The following OSBP2 variants were observed in gnomAD, a reference collection of about 807,000 sequenced individuals.
The protein encoded by OSBP2 is oxysterol-binding protein 2.
In OSBP2, 66 loss-of-function variants were observed where a neutral mutation model predicts 96.0. The observed-to-expected ratio is 0.69, with a 90% CI of 0.56 to 0.84. The LOEUF is 0.84. OSBP2 is among the 40% of genes least tolerant of loss of function. The pLI, the probability that OSBP2 is intolerant of heterozygous loss-of-function variation, is 0.00. For synonymous variants in OSBP2, 525 were observed against 520.9 expected (o/e 1.01, Z -0.11); for missense variants, 1,038 against 1,222.7 (o/e 0.85, Z 2.25).
At position 30,889,244 on chromosome 22, in the gene OSBP2, G is replaced by A. The variant is rs2039888444; in HGVS notation, c.1476+10G>A. The A allele has an allele frequency of 1.9e-6, 3 of 1,612,396 alleles. No individual in the cohort carries two copies. Among genetic ancestry groups the A allele is most frequent in the South Asian group, 1.1e-5 (1 of 90,968 alleles). On this transcript the variant is annotated intron_variant, in intron 6 of 13. Transcript: ENST00000332585. The stretch of plus-strand genomic sequence containing the variant: ...GAGCTCAGCAGACAATGTAAGTGAG[G>A]GGGAGCACTGTAAGGGCCAGAAGGC...
intron 12 of OSBP2, among the ~76,000 whole-genome samples, chr22:30,903,176 C>G (rs1299347554): frequency 6.6e-6 from 1 of 152,104 alleles, no homozygotes; most frequent in Non-Finnish European, 1.5e-5. Flanking sequence ...GACATTGGCC[C>G]GACTCCAGGT....
chr22:30,772,648 C>T (rs940578600), intron 2 of OSBP2, among the ~76,000 whole-genome samples: 1 of 152,224 alleles, frequency 6.6e-6, no homozygotes, highest in Non-Finnish European at 1.5e-5. Flanking sequence ...TTTGAGGACA[C>T]TCTGAGGTCT....
At position 30,889,769 on chromosome 22, in the gene OSBP2, T is replaced by A. The variant is rs139719516; in HGVS notation, c.1623+133T>A. On this transcript the variant is annotated intron_variant, in intron 7 of 13. Transcript: ENST00000332585. ...TTTTCTTAACGGCACCTGAGGAGCATGTAACTAATTATCTAATCGTGCACA... is the reference window on the plus strand; with the variant it reads ...TTTTCTTAACGGCACCTGAGGAGCAAGTAACTAATTATCTAATCGTGCACA... 4.7e-3 allele frequency: 3,654 copies of A among 780,150 alleles called. 18 individuals are homozygous for A. Among genetic ancestry groups the A allele is most frequent in the Non-Finnish European group, 6.9e-3 (3,263 of 470,540 alleles). The allele number at this position is 780,150 out of a possible 1,614,324, so 48.3% of individuals were successfully genotyped here. A position where few individuals can be genotyped will look rare whatever the true frequency, so the allele number is the denominator to read the frequency against.
chr22:30,830,023 G>A (rs545363094), intron 2 of OSBP2, among the ~76,000 whole-genome samples: 5 of 152,278 alleles, frequency 3.3e-5, no homozygotes, highest in Admixed American at 3.3e-4. Context: ...ATGGGGTTGA[G>A]CTGGAGCTGG....
rs1040206126 is a variant in OSBP2 at position 30,881,476 on chromosome 22, G to A, written c.1108-5950G>A. Among the ~76,000 whole-genome samples the A allele has an allele frequency of 1.3e-5, 2 of 152,134 alleles. No homozygotes were observed. Among genetic ancestry groups the A allele is most frequent in the African/African-American group, 2.4e-5 (1 of 41,424 alleles). ...CGGGTAGGGGGCTTCAGGTCAGCCC[G>A]TCTCTCCTCCTGCTCACAGCTGAGC... On this transcript the variant is annotated intron_variant, in intron 3 of 13. Coordinates refer to ENST00000332585, the MANE Select transcript of OSBP2 (RefSeq NM_030758.4). This position sits in a 1 kb window ranked among gnomAD's most constrained non-coding sequence, Gnocchi z 4.5.
At chr22:30,794,696 C>CT (rs2090731212) in intron 2 of OSBP2, among the ~76,000 whole-genome samples, 1 of 150,918 alleles carries the variant, frequency 6.6e-6, no homozygotes, top group Non-Finnish European at 1.5e-5. Flanking sequence ...TTCCAGGAGG[C>CT]TGAGGTGGAA....
At chr22:30,853,950 G>A (rs542668289) in intron 2 of OSBP2, among the ~76,000 whole-genome samples, 27 of 152,016 alleles carry the variant, frequency 1.8e-4, no homozygotes, top group South Asian at 1.2e-3. Context: ...TAGTAGAGAC[G>A]GGGTTTCACC....
chr22:30,888,115 G>T (rs2039857126), intron 4 of OSBP2, 108 bp from the exon 5 acceptor site: 7 of 743,950 alleles, frequency 9.4e-6, no homozygotes, highest in Non-Finnish European at 1.7e-5. Flanking sequence ...TGAAGCAGGA[G>T]GGGAGTGAGG....
chr22:30,821,232 G>A (rs1006036485), intron 2 of OSBP2, among the ~76,000 whole-genome samples: 1 of 152,188 alleles, frequency 6.6e-6, no homozygotes, highest in Admixed American at 6.5e-5. Context: ...CTCTGAGTGG[G>A]AGAGTGTCAG....
chr22:30,699,612 G>A (rs1315042003), intron 1 of OSBP2, among the ~76,000 whole-genome samples: 1 of 152,102 alleles, frequency 6.6e-6, no homozygotes. Flanking sequence ...AACTGTGATC[G>A]CTCATTGTAG....
intron 3 of OSBP2, among the ~76,000 whole-genome samples, chr22:30,874,725 G>A (rs934895961): frequency 1.3e-5 from 2 of 152,230 alleles, no homozygotes; most frequent in African/African-American, 4.8e-5. Context: ...GAACAGCAAC[G>A]CTGTGTTTCA....
chr22:30,809,359 A>T (rs2090975996), intron 2 of OSBP2, among the ~76,000 whole-genome samples: 1 of 152,164 alleles, frequency 6.6e-6, no homozygotes, highest in Non-Finnish European at 1.5e-5. Context: ...CGAGAAATCG[A>T]GAAGTGTATG....
chr22:30,747,612 C>T (rs1459588334), intron 2 of OSBP2, among the ~76,000 whole-genome samples: 1 of 152,220 alleles, frequency 6.6e-6, no homozygotes, highest in Non-Finnish European at 1.5e-5. Context: ...CTCTTCCTCA[C>T]ATTGGCGGTG....
At chr22:30,813,754 T>C (rs558045947) in intron 2 of OSBP2, among the ~76,000 whole-genome samples, 1 of 151,942 alleles carries the variant, frequency 6.6e-6, no homozygotes, top group Non-Finnish European at 1.5e-5. Flanking sequence ...GGCAGTGGTG[T>C]GGGGACAGCT....
At chr22:30,744,028 G>A (rs979883499) in intron 2 of OSBP2, among the ~76,000 whole-genome samples, 3 of 152,212 alleles carry the variant, frequency 2.0e-5, no homozygotes, top group African/African-American at 7.2e-5. Flanking sequence ...AGAGACAAAT[G>A]TCCAGGTAAC....
intron 3 of OSBP2, among the ~76,000 whole-genome samples, chr22:30,875,805 A>G (rs758081070): frequency 2.0e-5 from 3 of 152,218 alleles, no homozygotes; most frequent in Middle Eastern, 3.2e-3. Flanking sequence ...TCACACAGCT[A>G]GGAAAGCCCT....
At chr22:30,799,026 AAAAG>A (rs1267459376) in intron 2 of OSBP2, among the ~76,000 whole-genome samples, 5 of 151,876 alleles carry the variant, frequency 3.3e-5, no homozygotes, top group African/African-American at 1.2e-4. Context: ...AAAAAAAAAA[AAAAG>A]AAATTATTTG....
intron 2 of OSBP2, among the ~76,000 whole-genome samples, chr22:30,834,188 T>C (rs1028075226): frequency 9.2e-5 from 14 of 152,292 alleles, no homozygotes; most frequent in African/African-American, 3.4e-4. Context: ...TTTATTCATT[T>C]TTACTGCCAT....
In OSBP2 at chr22:30,898,862, T is replaced by TTAATAA. The variant is rs35162134; in HGVS notation, c.2375+4883_2375+4888dup. Among the ~76,000 whole-genome samples, 36 of 146,604 alleles carry TTAATAA rather than the reference T, an allele frequency of 2.5e-4. No homozygotes were observed. In the South Asian group the frequency reaches 2.8e-3, roughly 11 times the overall value. ...AATATGGCAAGATATCATCTTTATA[T>TTAATAA]TAATAATAATAATAATAATAATAAT... On this transcript the variant is annotated intron_variant, in intron 12 of 13. Transcript: ENST00000332585.
Sources: gnomAD v4.1 joint callset for allele counts (sites outside exome capture counted in the v4.1 genomes callset) on GRCh38, gnomAD v4.1.1 for gene constraint, Gnocchi (gnomAD v3.1) non-coding constraint, MANE v1.5 for transcripts, NCBI Gene and HGNC (gene_info 2026-07-23, HGNC 2026-07-21) for gene names.